The following EYA4 variants were observed in gnomAD, a reference collection of about 807,000 sequenced individuals.
The protein encoded by EYA4 is EYA transcriptional coactivator and phosphatase 4.
A neutral mutation model predicts 87.9 loss-of-function variants in EYA4; 31 were observed. The observed-to-expected ratio is 0.35, with a 90% CI of 0.27 to 0.48. The LOEUF (loss-of-function observed/expected upper bound fraction) is 0.48. Ranked by LOEUF, EYA4 falls within the 20% of genes least tolerant of loss-of-function variation. EYA4 has a pLI of 0.99. For missense variants in EYA4, 678 were observed against 761.4 expected (o/e 0.89, Z 1.29); for synonymous variants, 263 against 270.6 (o/e 0.97, Z 0.28).
chr6:133,385,196 G>C (rs1266946610), intron 3 of EYA4, among the ~76,000 whole-genome samples: 2 of 151,248 alleles, frequency 1.3e-5, no homozygotes, highest in Admixed American at 1.3e-4. Flanking sequence ...CTACTTGGGA[G>C]GCTGAGGCAG....
In EYA4 at chr6:133,529,522, G is replaced by GGAA; in HGVS notation, c.*717_*718insGAA. The GGAA allele has an allele frequency of 1.1e-6, 1 of 878,988 alleles. No homozygotes were observed. Among genetic ancestry groups the GGAA allele is most frequent in the African/African-American group, 2.2e-5 (1 of 44,540 alleles). The allele number at this position is 878,988 out of a possible 1,614,324, so 54.4% of individuals were successfully genotyped here. On this transcript the variant is annotated 3_prime_UTR_variant, in exon 20 of 20. Coordinates refer to ENST00000355286, the MANE Select transcript of EYA4 (RefSeq NM_004100.5). ...TTTGGTTAAAATCTCTGTAGATAAT[G>GGAA]AAAAAAAACAAAAAAAAAAACCTTT...
chr6:133,527,803 C>T (rs895105661), intron 19 of EYA4, among the ~76,000 whole-genome samples: 1 of 152,154 alleles, frequency 6.6e-6, no homozygotes, highest in Middle Eastern at 3.2e-3. Flanking sequence ...CCCTTATATA[C>T]ATGAATATTT....
At chr6:133,463,586 C>T (rs1794595461) in intron 9 of EYA4, among the ~76,000 whole-genome samples, 1 of 152,096 alleles carries the variant, frequency 6.6e-6, no homozygotes, top group Non-Finnish European at 1.5e-5. Context: ...GTCTCAAACT[C>T]CTGATCTCAG....
chr6:133,391,222 G>GTTTTTTTTTT, intron 3 of EYA4, among the ~76,000 whole-genome samples: 1 of 89,832 alleles, frequency 1.1e-5, no homozygotes, highest in African/African-American at 3.3e-5. Context: ...TTTTGTTTTT[G>GTTTTTTTTTT]TTTTTTTTTT....
At chr6:133,324,702 G>A (rs1444735347) in intron 2 of EYA4, among the ~76,000 whole-genome samples, 1 of 152,014 alleles carries the variant, frequency 6.6e-6, no homozygotes, top group Non-Finnish European at 1.5e-5. Flanking sequence ...TCTCAGCATA[G>A]CTCAGGACCC....
intron 3 of EYA4, among the ~76,000 whole-genome samples, chr6:133,391,968 G>C (rs1015053238): frequency 2.0e-5 from 3 of 152,144 alleles, no homozygotes; most frequent in Non-Finnish European, 4.4e-5. Context: ...ACAACTCAAT[G>C]GCTATTCATT....
chr6:133,328,698 G>C (rs1781689652), intron 2 of EYA4, among the ~76,000 whole-genome samples: 1 of 135,626 alleles, frequency 7.4e-6, no homozygotes, highest in South Asian at 2.4e-4. Flanking sequence ...TAGACAAATA[G>C]ATACAAACAA....
At chr6:133,421,483 A>G (rs1056292714) in intron 3 of EYA4, among the ~76,000 whole-genome samples, 4 of 152,170 alleles carry the variant, frequency 2.6e-5, no homozygotes, top group African/African-American at 9.7e-5. Flanking sequence ...TTTGGTGATG[A>G]TATGTCTTAT....
intron 1 of EYA4, chr6:133,248,998 T>C (rs1774662853): frequency 6.6e-6 from 1 of 152,226 alleles, no homozygotes; most frequent in Non-Finnish European, 1.5e-5. Flanking sequence ...TTGTTGACTT[T>C]AGTTTTTAAA....
At chr6:133,362,151 C>A (rs1213232022) in intron 2 of EYA4, among the ~76,000 whole-genome samples, 1 of 152,132 alleles carries the variant, frequency 6.6e-6, no homozygotes, top group Non-Finnish European at 1.5e-5. Flanking sequence ...CCTCAAGGTT[C>A]TTTTAGTTGC....
At chr6:133,451,125 T>C (rs997270954) in intron 5 of EYA4, among the ~76,000 whole-genome samples, 1 of 152,238 alleles carries the variant, frequency 6.6e-6, no homozygotes, top group African/African-American at 2.4e-5. Context: ...CTGCTATTGT[T>C]GCACAAAAGC....
intron 1 of EYA4, among the ~76,000 whole-genome samples, chr6:133,269,432 C>T (rs962378707): frequency 2.6e-5 from 4 of 152,052 alleles, no homozygotes; most frequent in Admixed American, 1.3e-4. Flanking sequence ...CAATATCTCA[C>T]TGAAACTGTC....
intron 2 of EYA4, among the ~76,000 whole-genome samples, chr6:133,337,863 C>G (rs185087175): frequency 6.6e-6 from 1 of 152,308 alleles, no homozygotes; most frequent in Admixed American, 6.5e-5. Flanking sequence ...CACACATTTA[C>G]GCTGCCGATG....
At chr6:133,507,032 C>G (rs979906091) in intron 14 of EYA4, among the ~76,000 whole-genome samples, 2 of 151,732 alleles carry the variant, frequency 1.3e-5, no homozygotes, top group African/African-American at 4.8e-5. Context: ...TATTTTTTAT[C>G]TCATAGTTTC....
intron 3 of EYA4, among the ~76,000 whole-genome samples, chr6:133,434,607 A>G (rs1030959887): frequency 6.6e-6 from 1 of 152,044 alleles, no homozygotes; most frequent in Non-Finnish European, 1.5e-5. Flanking sequence ...GACAGTAGAG[A>G]CTCTTAACAC....
rs1255562313 is a variant in EYA4, at chr6:133,411,561, ATC to A, written c.83+29122_83+29123del. ...TGTGTGTGTATCTGTATATCTGTCT[ATC>A]TATATATATATATATTCGGTCTTTT... On this transcript the variant is annotated intron_variant, in intron 3 of 19. Transcript: ENST00000355286. Among the ~76,000 whole-genome samples, 14 of 150,094 alleles carry A rather than the reference ATC, an allele frequency of 9.3e-5. No individual in the cohort carries two copies. In the East Asian group the frequency reaches 2.5e-3, roughly 27 times the overall value.
At chr6:133,377,564 GTTT>G (rs145391738) in intron 2 of EYA4, among the ~76,000 whole-genome samples, 30,754 of 116,428 alleles carry the variant, frequency 0.26, 3,829 homozygotes, top group East Asian at 0.44. Context: ...TTTCACATTA[GTTT>G]TTTTTTTTTT....
At chr6:133,287,306 A>G (rs1468653268) in intron 2 of EYA4, among the ~76,000 whole-genome samples, 4 of 152,246 alleles carry the variant, frequency 2.6e-5, no homozygotes, top group Non-Finnish European at 5.9e-5. Flanking sequence ...CAAGAAAGGA[A>G]TTATAGATAG....
chr6:133,240,918 CG>C, upstream of EYA4: 1 of 152,434 alleles, frequency 6.6e-6, no homozygotes, highest in Non-Finnish European at 1.5e-5. Flanking sequence ...CAGGCAATTC[CG>C]GGGGCTGCCC....
Sources: gnomAD v4.1 joint callset for allele counts (sites outside exome capture counted in the v4.1 genomes callset) on GRCh38, gnomAD v4.1.1 for gene constraint, MANE v1.5 for transcripts, NCBI Gene and HGNC (gene_info 2026-07-23, HGNC 2026-07-21) for gene names.